CPNE8: variants seen among roughly 807,000 people sequenced by gnomAD.
The protein encoded by CPNE8 is copine-8.
A neutral mutation model predicts 81.5 loss-of-function variants in CPNE8; 45 were observed. That is an observed-to-expected ratio of 0.55 (90% CI 0.44 to 0.71). CPNE8 has a LOEUF of 0.71. Among genes scored for constraint, CPNE8 ranks in the 30% least tolerant of loss-of-function variants. The pLI is 0.00. For synonymous variants in CPNE8, 252 were observed against 226.3 expected, an observed-to-expected ratio of 1.11 and a Z score of -1.02; for missense variants, 594 against 672.1, an observed-to-expected ratio of 0.88 and a Z score of 1.28.
chr12:38,764,194 A>G (rs1176337600), intron 8 of CPNE8, among the ~76,000 whole-genome samples: 1 of 152,218 alleles, frequency 6.6e-6, no homozygotes, highest in Non-Finnish European at 1.5e-5. Context: ...GGGCAGACAG[A>G]GAAGACTCTT....
chr12:38,869,414 C>G (rs2137098385), intron 3 of CPNE8, among the ~76,000 whole-genome samples: 1 of 152,278 alleles, frequency 6.6e-6, no homozygotes, highest in African/African-American at 2.4e-5. Context: ...GAATCATTAT[C>G]ATTATTTCTC....
intron 6 of CPNE8, among the ~76,000 whole-genome samples, chr12:38,799,499 G>A (rs1005516983): frequency 9.2e-5 from 14 of 152,096 alleles, no homozygotes; most frequent in African/African-American, 2.9e-4. Context: ...TTAAACCAAC[G>A]AGAACAAAGA....
intron 6 of CPNE8, among the ~76,000 whole-genome samples, chr12:38,799,323 C>G (rs11561410): frequency 0.067 from 10,189 of 152,010 alleles, 570 homozygotes; most frequent in East Asian, 0.3. Flanking sequence ...AAATGTAACA[C>G]AACAGAAATT....
intron 19 of CPNE8, 36 bp downstream of exon 19, chr12:38,670,693 T>C: frequency 1.4e-6 from 2 of 1,405,220 alleles, no homozygotes. Flanking sequence ...TGATATTTTC[T>C]AGCAATAGTA....
chr12:38,810,661 A>G (rs1942916846), intron 6 of CPNE8, among the ~76,000 whole-genome samples: 1 of 152,192 alleles, frequency 6.6e-6, no homozygotes, highest in African/African-American at 2.4e-5. Context: ...GTGGGCTAAA[A>G]CAATATCCAT....
chr12:38,767,810 G>T, intron 7 of CPNE8, 72 bp from the exon 8 acceptor site: 1 of 870,416 alleles, frequency 1.1e-6, no homozygotes, highest in Non-Finnish European at 1.7e-6. Flanking sequence ...TCAGAAACAA[G>T]ACTTGACAAG....
At chr12:38,712,523 T>C (rs923350139) in intron 13 of CPNE8, among the ~76,000 whole-genome samples, 4 of 152,152 alleles carry the variant, frequency 2.6e-5, no homozygotes, top group African/African-American at 9.7e-5. Context: ...TGCCACCAAT[T>C]TTATAAAACT....
chr12:38,806,049 G>C (rs370319481), intron 6 of CPNE8, among the ~76,000 whole-genome samples: 11 of 150,252 alleles, frequency 7.3e-5, no homozygotes, highest in African/African-American at 1.4e-4. Flanking sequence ...CAAGACTAAA[G>C]CAGGAAGAAG....
At chr12:38,710,281 A>AAAAAAAAAAAAAC in intron 13 of CPNE8, among the ~76,000 whole-genome samples, 1 of 149,256 alleles carries the variant, frequency 6.7e-6, no homozygotes, top group Non-Finnish European at 1.5e-5. Context: ...AAAAAAAAAA[A>AAAAAAAAAAAAAC]AAAAAAACCA....
chr12:38,846,143 A>G (rs1055774471), intron 4 of CPNE8, among the ~76,000 whole-genome samples: 1 of 152,186 alleles, frequency 6.6e-6, no homozygotes, highest in Admixed American at 6.5e-5. Flanking sequence ...AGTATCAGGT[A>G]ATGAATGAAG....
chr12:38,688,342 G>A (rs1939581825), intron 15 of CPNE8, among the ~76,000 whole-genome samples: 6 of 152,138 alleles, frequency 3.9e-5, no homozygotes, highest in Admixed American at 3.9e-4. Context: ...TTCCTCATAT[G>A]TCTTAGACGA....
At chr12:38,780,027 G>A (rs1376434347) in intron 6 of CPNE8, among the ~76,000 whole-genome samples, 1 of 151,950 alleles carries the variant, frequency 6.6e-6, no homozygotes, top group Non-Finnish European at 1.5e-5. Flanking sequence ...TTCTCTTCCA[G>A]GAGTTTCATT....
At chr12:38,722,312 A>G (rs1242115771) in intron 13 of CPNE8, among the ~76,000 whole-genome samples, 2 of 152,172 alleles carry the variant, frequency 1.3e-5, no homozygotes, top group African/African-American at 4.8e-5. Flanking sequence ...TATTGAAACA[A>G]CCACTGTTGC....
chr12:38,802,889 A>G (rs1227472800), intron 6 of CPNE8, among the ~76,000 whole-genome samples: 7 of 149,228 alleles, frequency 4.7e-5, no homozygotes, highest in Non-Finnish European at 8.9e-5. Context: ...CTCTACGCAA[A>G]TAAACTAGAA....
chr12:38,709,988 T>C (rs1318473103), intron 13 of CPNE8, among the ~76,000 whole-genome samples: 3 of 152,026 alleles, frequency 2.0e-5, no homozygotes, highest in Non-Finnish European at 2.9e-5. Flanking sequence ...ATAAAAAAAA[T>C]AACTGGAGAC....
Position 38,867,305 on chromosome 12 carries a change from A to AGTGT in CPNE8, c.186+5695_186+5698dup, listed in dbSNP as rs35874005. The stretch of plus-strand genomic sequence containing the variant: ...GTCCTTGATGTTTGTTGAATAGTAT[A>AGTGT]GTGTGTGTGTGTGTGTGTGTGTGTG... On this transcript the variant is annotated intron_variant, in intron 3 of 19. Coordinates refer to ENST00000331366, the MANE Select transcript of CPNE8 (RefSeq NM_153634.3). Among the ~76,000 whole-genome samples the AGTGT allele has an allele frequency of 5.7e-3, 757 of 133,196 alleles. 7 individuals carry two copies. Among genetic ancestry groups the AGTGT allele is most frequent in the South Asian group, 0.012 (47 of 3,890 alleles). The allele number at this position is 133,196 out of a possible 152,430, so 87.4% of individuals were successfully genotyped here.
At chr12:38,717,427 GTGTATATA>G (rs1449079497) in intron 13 of CPNE8, among the ~76,000 whole-genome samples, 19 of 69,728 alleles carry the variant, frequency 2.7e-4, no homozygotes, top group South Asian at 7.0e-4. Flanking sequence ...AGAAAGTGTG[GTGTATATA>G]TATATATATA....
chr12:38,888,957 A>G (rs920798066), intron 1 of CPNE8, among the ~76,000 whole-genome samples: 1 of 152,184 alleles, frequency 6.6e-6, no homozygotes, highest in Non-Finnish European at 1.5e-5. Flanking sequence ...CTTCAACTAT[A>G]TATTGAATAA....
chr12:38,812,942 G>T (rs1288054953), intron 6 of CPNE8, among the ~76,000 whole-genome samples: 2 of 152,176 alleles, frequency 1.3e-5, no homozygotes, highest in Non-Finnish European at 2.9e-5. Context: ...CAGGTATTCT[G>T]TTATAGCAGT....
Sources: allele counts gnomAD v4.1 joint callset (sites outside exome capture counted in the v4.1 genomes callset), GRCh38; gene constraint gnomAD v4.1.1; transcripts MANE v1.5; gene names NCBI Gene and HGNC (gene_info 2026-07-23, HGNC 2026-07-21).